The following CFDP1 variants were observed in gnomAD, a reference collection of about 807,000 sequenced individuals.
CFDP1 encodes heterochromatin-stabilizing protein CFDP1.
CFDP1 carries 31 observed loss-of-function variants against 40.1 expected under a neutral mutation model. The ratio of observed to expected loss-of-function variants is 0.77; its 90% confidence interval spans 0.58 to 1.04. The LOEUF (loss-of-function observed/expected upper bound fraction) is 1.04. Ranked by LOEUF, CFDP1 falls within the 50% of genes least tolerant of loss-of-function variation. The probability of loss-of-function intolerance (pLI) is 0.00; values close to 1 mark genes in which losing one functional copy is unlikely to be tolerated. For synonymous variants in CFDP1, 167 were observed against 120.0 expected, an observed-to-expected ratio of 1.39 and a Z score of -2.56; for missense variants, 423 against 343.4, an observed-to-expected ratio of 1.23 and a Z score of -1.83.
intron 6 of CFDP1, among the ~76,000 whole-genome samples, chr16:75,297,385 CA>C (rs2078191500): frequency 6.6e-6 from 1 of 152,164 alleles, no homozygotes; most frequent in African/African-American, 2.4e-5. Flanking sequence ...GCAACCGGAA[CA>C]GAGACCAAGA....
intron 1 of CFDP1, among the ~76,000 whole-genome samples, chr16:75,431,372 T>C (rs930215354): frequency 8.0e-6 from 1 of 124,998 alleles, no homozygotes; most frequent in Non-Finnish European, 1.6e-5. Context: ...GAGAATGGCG[T>C]GAACCCGGGA....
chr16:75,314,627 A>G (rs2078313382), intron 5 of CFDP1, among the ~76,000 whole-genome samples: 1 of 152,226 alleles, frequency 6.6e-6, no homozygotes, highest in African/African-American at 2.4e-5. Context: ...CATGGGAATT[A>G]TACCTAAATA....
At chr16:75,407,241 A>G (rs758483089) in intron 4 of CFDP1, among the ~76,000 whole-genome samples, 5 of 152,196 alleles carry the variant, frequency 3.3e-5, no homozygotes, top group Non-Finnish European at 7.4e-5. Flanking sequence ...TAGTACTTCC[A>G]GGCAAGAAAG....
intron 5 of CFDP1, among the ~76,000 whole-genome samples, chr16:75,322,127 TA>T (rs1236974422): frequency 2.0e-5 from 3 of 152,242 alleles, no homozygotes; most frequent in Non-Finnish European, 4.4e-5. Flanking sequence ...CCCAGCCTAT[TA>T]AACTTTCCTA....
chr16:75,303,180 A>G (rs2078232854), intron 6 of CFDP1, among the ~76,000 whole-genome samples: 1 of 149,196 alleles, frequency 6.7e-6, no homozygotes, highest in Non-Finnish European at 1.5e-5. Context: ...AGCCTGCCCA[A>G]CATGGTGAAA....
intron 4 of CFDP1, among the ~76,000 whole-genome samples, chr16:75,395,696 TA>T: frequency 6.6e-6 from 1 of 152,186 alleles, no homozygotes; most frequent in African/African-American, 2.4e-5. Flanking sequence ...TTTCCCTCAC[TA>T]AAATTAACAA....
chr16:75,322,263 C>G (rs1322815833), intron 5 of CFDP1, among the ~76,000 whole-genome samples: 1 of 152,232 alleles, frequency 6.6e-6, no homozygotes, highest in African/African-American at 2.4e-5. Flanking sequence ...ATCACCAACA[C>G]TATTTCGGAT....
At chr16:75,347,343 CAAAAA>C (rs762900031) in intron 5 of CFDP1, among the ~76,000 whole-genome samples, 115 of 91,616 alleles carry the variant, frequency 1.3e-3, no homozygotes, top group African/African-American at 2.7e-3. Context: ...GACTCCATCT[CAAAAA>C]AAAAAAAAAA....
intron 1 of CFDP1, among the ~76,000 whole-genome samples, chr16:75,432,882 A>T (rs1285387429): frequency 6.8e-6 from 1 of 147,110 alleles, no homozygotes; most frequent in African/African-American, 2.6e-5. Flanking sequence ...CGGAGAGCGG[A>T]CAGCTCTATC....
chr16:75,432,776 G>C (rs780151870), intron 1 of CFDP1, among the ~76,000 whole-genome samples: 8 of 152,176 alleles, frequency 5.3e-5, no homozygotes, highest in Non-Finnish European at 1.0e-4. Context: ...GATCCCTAAG[G>C]AAAGAAAGTT....
At chr16:75,341,334 T>C (rs1335624281) in intron 5 of CFDP1, among the ~76,000 whole-genome samples, 1 of 152,188 alleles carries the variant, frequency 6.6e-6, no homozygotes, top group Non-Finnish European at 1.5e-5. Context: ...CTATTCCTAG[T>C]CCACAGTGGG....
chr16:75,376,900 C>A (rs8056080), intron 5 of CFDP1, among the ~76,000 whole-genome samples: 75,534 of 152,096 alleles, frequency 0.5, 20,208 homozygotes, highest in Admixed American at 0.63. Flanking sequence ...TCTGCATAAA[C>A]TGCCCCTTAA....
chr16:75,406,331 G>A (rs2079098783), intron 4 of CFDP1, among the ~76,000 whole-genome samples: 1 of 151,020 alleles, frequency 6.6e-6, no homozygotes, highest in Non-Finnish European at 1.5e-5. Flanking sequence ...GGGCCATGAG[G>A]GAGCCACTAC....
intron 4 of CFDP1, among the ~76,000 whole-genome samples, chr16:75,395,808 C>T (rs185841632): frequency 1.3e-5 from 2 of 152,070 alleles, no homozygotes; most frequent in South Asian, 2.1e-4. Context: ...TGGGAATGGA[C>T]GAAAGCAACA....
At chr16:75,423,096 C>T (rs1369206324) in intron 1 of CFDP1, among the ~76,000 whole-genome samples, 9 of 151,824 alleles carry the variant, frequency 5.9e-5, no homozygotes, top group African/African-American at 1.7e-4. Flanking sequence ...CTGGCTAACA[C>T]GGTGAAACCC....
intron 3 of CFDP1, 133 bp downstream of exon 3, chr16:75,412,402 C>T (rs1293730732): frequency 1.6e-5 from 12 of 747,394 alleles, no homozygotes; most frequent in African/African-American, 5.2e-5. Context: ...ATTCTCCTAC[C>T]ACAGGAAATG....
chr16:75,384,125 G>A (rs868456144), intron 5 of CFDP1, among the ~76,000 whole-genome samples: 112 of 152,286 alleles, frequency 7.4e-4, no homozygotes, highest in African/African-American at 2.6e-3. Flanking sequence ...CACTTTGTGA[G>A]GCTGAGGTGG....
chr16:75,330,960 A>AT (rs1367014400), intron 5 of CFDP1, among the ~76,000 whole-genome samples: 1 of 81,090 alleles, frequency 1.2e-5, no homozygotes, highest in South Asian at 4.6e-4. Context: ...AATTCCAATT[A>AT]TTAAAAAAAA....
intron 5 of CFDP1, among the ~76,000 whole-genome samples, chr16:75,325,529 A>G (rs2078395345): frequency 6.6e-6 from 1 of 151,872 alleles, no homozygotes; most frequent in Non-Finnish European, 1.5e-5. Context: ...CACACTTAGC[A>G]TTTTCTAATG....
Sources: gnomAD v4.1 joint callset for allele counts (sites outside exome capture counted in the v4.1 genomes callset) on GRCh38, gnomAD v4.1.1 for gene constraint, MANE v1.5 for transcripts, NCBI Gene and HGNC (gene_info 2026-07-23, HGNC 2026-07-21) for gene names.